LYST: variants seen among roughly 807,000 people sequenced by gnomAD.
The protein encoded by LYST is lysosomal-trafficking regulator.
A neutral mutation model predicts 413.6 loss-of-function variants in LYST; 192 were observed. The observed-to-expected ratio is 0.46, with a 90% CI of 0.41 to 0.52. LYST has a LOEUF of 0.52. Ranked by LOEUF, LYST falls within the 20% of genes least tolerant of loss-of-function variation. LYST has a pLI of 0.00. For missense variants in LYST, 3,815 were observed against 4,499.9 expected, an observed-to-expected ratio of 0.85 and a Z score of 4.35; for synonymous variants, 1,525 against 1,567.3, an observed-to-expected ratio of 0.97 and a Z score of 0.64.
intron 3 of LYST, among the ~76,000 whole-genome samples, chr1:235,816,334 G>C (rs1379628163): frequency 1.3e-5 from 2 of 149,934 alleles, no homozygotes; most frequent in African/African-American, 4.9e-5. Context: ...CCAGCTACTC[G>C]GGAGCTGAGG....
At chr1:235,865,059 T>C (rs1245239233) in intron 1 of LYST, among the ~76,000 whole-genome samples, 1 of 152,202 alleles carries the variant, frequency 6.6e-6, no homozygotes, top group Non-Finnish European at 1.5e-5. Context: ...CACTCACCTC[T>C]TTGACTTTAT....
At position 235,746,329 on chromosome 1, in the gene LYST, G is replaced by A. The variant is rs1468438158; in HGVS notation, c.7972+7C>T. Reference sequence around the variant, plus strand: ...TGAGGAAAAACAAACTAATCCTATAGTCTTACCTTGATAAATAATCCTGTT... The same window carrying A: ...TGAGGAAAAACAAACTAATCCTATAATCTTACCTTGATAAATAATCCTGTT... On this transcript the variant is annotated splice_region_variant and intron_variant, in intron 29 of 52. Coordinates refer to ENST00000389793, the MANE Select transcript of LYST (RefSeq NM_000081.4). 6.2e-7 allele frequency: 1 copy of A among 1,611,034 alleles called. No individual in the cohort carries two copies. The highest frequency in any genetic ancestry group is 8.5e-7 in the Non-Finnish European group (1 of 1,177,492).
intron 17 of LYST, 78 bp from the exon 18 acceptor site, chr1:235,775,164 C>A: frequency 1.0e-6 from 1 of 990,792 alleles, no homozygotes. Context: ...ATCTTCCATT[C>A]TGTAACATCA....
intron 28 of LYST, among the ~76,000 whole-genome samples, chr1:235,747,945 A>T (rs930861164): frequency 3.3e-5 from 5 of 152,182 alleles, no homozygotes; most frequent in African/African-American, 1.2e-4. Context: ...ATGCTTATTG[A>T]TCATTTTCCC....
chr1:235,785,798 C>T (rs1482904114), intron 14 of LYST, among the ~76,000 whole-genome samples: 1 of 152,200 alleles, frequency 6.6e-6, no homozygotes, highest in Non-Finnish European at 1.5e-5. Flanking sequence ...CATGCTACTT[C>T]ATTCAATACA....
chr1:235,767,592 C>T lies in LYST; in HGVS notation c.5923-1315G>A, dbSNP rs576433015. Among the ~76,000 whole-genome samples the T allele has an allele frequency of 2.4e-3, 362 of 152,184 alleles. 1 individual carries two copies. Among genetic ancestry groups the T allele is most frequent in the Admixed American group, 4.8e-3 (73 of 15,274 alleles). ...TCCAGCCCAGGTTACTTCTATCTTG[C>T]CCTCTCCACTGACTCTTTATCAATA... On this transcript the variant is annotated intron_variant, in intron 20 of 52. Coordinates refer to ENST00000389793, the MANE Select transcript of LYST (RefSeq NM_000081.4).
In LYST at chr1:235,677,585, A is replaced by G. The variant is rs1659483825; in HGVS notation, c.10835T>C (p.Leu3612Pro). The G allele has an allele frequency of 6.2e-7, 1 of 1,612,728 alleles. No homozygotes were observed. ...SEIEMETQIH[L>P]YGHTEEITSL... Reference sequence around the variant, plus strand: ...GGTTATCTCTTCTGTGTGACCATAGAGATGTATTTGAGTCTCCATTTCTAT... The same window carrying G: ...GGTTATCTCTTCTGTGTGACCATAGGGATGTATTTGAGTCTCCATTTCTAT... Residue 3612 changes from leucine (L) to proline (P), a missense_variant, in exon 49 of 53, where the codon CTC becomes CCC. Physicochemically the swap from Leu to Pro is moderately conservative, Grantham distance 98. Transcript: ENST00000389793.
intron 45 of LYST, among the ~76,000 whole-genome samples, chr1:235,698,411 T>C (rs1049064461): frequency 2.0e-5 from 3 of 152,172 alleles, no homozygotes; most frequent in Non-Finnish European, 4.4e-5. Context: ...TTAAATGATA[T>C]CATAGTGGTC....
At chr1:235,757,686 T>C (rs938087699) in intron 23 of LYST, among the ~76,000 whole-genome samples, 12 of 152,238 alleles carry the variant, frequency 7.9e-5, no homozygotes, top group African/African-American at 2.9e-4. Flanking sequence ...ACATCTCTGA[T>C]GTCTAATACA....
At chr1:235,771,919 T>G (rs1345008574) in intron 19 of LYST, among the ~76,000 whole-genome samples, 9 of 106,028 alleles carry the variant, frequency 8.5e-5, no homozygotes, top group Non-Finnish European at 1.6e-4. Flanking sequence ...TTTAGTTTGT[T>G]TTTTTTTTTT....
intron 1 of LYST, among the ~76,000 whole-genome samples, chr1:235,875,967 C>A (rs1247993596): frequency 6.6e-6 from 1 of 152,104 alleles, no homozygotes; most frequent in Admixed American, 6.5e-5. Flanking sequence ...TGCTTGTAAT[C>A]CCAGCACTTT....
Position 235,795,378 on chromosome 1 carries a change from C to A in LYST, c.4007-1766G>T, listed in dbSNP as rs186055813. ...CTGCAGACTGAACAAACTGCCTAAC[C>A]AAAGGGAAAAGTAGAGACTAAAATA... On this transcript the variant is annotated intron_variant, in intron 10 of 52. Transcript: ENST00000389793. Among the ~76,000 whole-genome samples the A allele has an allele frequency of 3.4e-3, 520 of 152,188 alleles. 2 individuals are homozygous for A. The highest frequency in any genetic ancestry group is 6.8e-3 in the Middle Eastern group (2 of 294).
At chr1:235,714,929 TTTGTG>T (rs1216167780) in intron 42 of LYST, among the ~76,000 whole-genome samples, 7 of 152,192 alleles carry the variant, frequency 4.6e-5, no homozygotes, top group Admixed American at 3.3e-4. Flanking sequence ...AATTTTATGG[TTTGTG>T]AATTATATCT....
At chr1:235,676,841 C>G (rs1659420314) in intron 50 of LYST, among the ~76,000 whole-genome samples, 1 of 152,164 alleles carries the variant, frequency 6.6e-6, no homozygotes, top group African/African-American at 2.4e-5. Flanking sequence ...TTAACATGTA[C>G]TCAAATGCAA....
chr1:235,744,368 C>A (rs1004864330), intron 29 of LYST, among the ~76,000 whole-genome samples: 1 of 152,072 alleles, frequency 6.6e-6, no homozygotes, highest in Non-Finnish European at 1.5e-5. Context: ...GCATGTCATA[C>A]AATTCCAAAT....
intron 1 of LYST, chr1:235,840,107 C>T (rs1677053221): frequency 6.6e-6 from 1 of 152,208 alleles, no homozygotes; most frequent in South Asian, 2.1e-4. Flanking sequence ...ATTTACAAAA[C>T]AACCACTTTG....
chr1:235,684,509 T>C (rs1213687187), intron 48 of LYST, among the ~76,000 whole-genome samples: 1 of 152,206 alleles, frequency 6.6e-6, no homozygotes, highest in Non-Finnish European at 1.5e-5. Context: ...GCAGTGTGAA[T>C]ATTACAGATG....
At position 235,782,100 on chromosome 1, in the gene LYST, C is replaced by T; in HGVS notation, c.4863-13G>A. ...AACATCAGGCTTCCTACATTAAAAACAAAACAAAGTTAAAGCAATGACTTT... is the reference window on the plus strand; with the variant it reads ...AACATCAGGCTTCCTACATTAAAAATAAAACAAAGTTAAAGCAATGACTTT... On this transcript the variant is annotated splice_polypyrimidine_tract_variant and intron_variant, in intron 14 of 52. Coordinates refer to ENST00000389793, the MANE Select transcript of LYST (RefSeq NM_000081.4). 6.2e-7 allele frequency: 1 copy of T among 1,601,300 alleles called. No individual in the cohort carries two copies. The highest frequency in any genetic ancestry group is 8.5e-7 in the Non-Finnish European group (1 of 1,172,098).
At chr1:235,804,784 T>C in intron 6 of LYST, 119 bp from the exon 7 acceptor site, 1 of 656,508 alleles carries the variant, frequency 1.5e-6, no homozygotes, top group South Asian at 1.9e-5. Context: ...TTGCAGTTGA[T>C]ATGAAAGCAA....
Sources: allele counts gnomAD v4.1 joint callset (sites outside exome capture counted in the v4.1 genomes callset), GRCh38; gene constraint gnomAD v4.1.1; transcripts MANE v1.5; gene names NCBI Gene and HGNC (gene_info 2026-07-23, HGNC 2026-07-21).